Variants in PDIA6 observed in about 807,000 individuals in gnomAD.
PDIA6 encodes protein disulfide-isomerase A6.
Under a neutral mutation model 58.4 loss-of-function variants are expected in PDIA6, and 29 were observed. That is an observed-to-expected ratio of 0.50 (90% CI 0.37 to 0.68). The LOEUF (loss-of-function observed/expected upper bound fraction) is 0.68, where lower values mean the gene tolerates loss of function less well. Ranked by LOEUF, PDIA6 falls within the 30% of genes least tolerant of loss-of-function variation. The probability of loss-of-function intolerance (pLI) is 0.00; values close to 1 mark genes in which losing one functional copy is unlikely to be tolerated. For synonymous variants in PDIA6, 192 were observed against 202.6 expected (o/e 0.95, Z 0.44); for missense variants, 480 against 551.0 (o/e 0.87, Z 1.29).
At chr2:10,799,264 A>G (rs1734352) in intron 2 of PDIA6, among the ~76,000 whole-genome samples, 74,215 of 152,092 alleles carry the variant, frequency 0.49, 19,659 homozygotes, top group South Asian at 0.58. Context: ...TTGGTGATTT[A>G]ATGCATTTTT....
intron 1 of PDIA6, among the ~76,000 whole-genome samples, chr2:10,806,015 AAAGTAT>A (rs1353741174): frequency 8.7e-5 from 8 of 91,790 alleles, no homozygotes; most frequent in Non-Finnish European, 1.5e-4. Context: ...CCTAAAACTT[AAAGTAT>A]AATTAAAAAA....
chr2:10,800,315 G>A (rs1408590263), intron 2 of PDIA6, among the ~76,000 whole-genome samples: 1 of 152,152 alleles, frequency 6.6e-6, no homozygotes, highest in Admixed American at 6.5e-5. Flanking sequence ...AACAGTCACT[G>A]GAGCATTTCA....
chr2:10,795,543 C>T (rs1392920590), intron 4 of PDIA6, among the ~76,000 whole-genome samples: 1 of 152,208 alleles, frequency 6.6e-6, no homozygotes, highest in Middle Eastern at 3.2e-3. Context: ...GCCAACGACA[C>T]ATATTTGCCA....
chr2:10,824,480 G>A (rs187418489), intron 1 of PDIA6, among the ~76,000 whole-genome samples: 509 of 152,358 alleles, frequency 3.3e-3, no homozygotes, highest in Non-Finnish European at 6.3e-3. Flanking sequence ...CACCACAATA[G>A]CCACTAAGCC....
upstream of PDIA6, among the ~76,000 whole-genome samples, chr2:10,834,274 G>T (rs1052097187): frequency 6.6e-6 from 1 of 152,268 alleles, no homozygotes; most frequent in Admixed American, 6.5e-5. Flanking sequence ...GATCAAAGGC[G>T]AGCCTCTTTC....
intron 1 of PDIA6, 31 bp from the exon 2 acceptor site, chr2:10,802,671 C>G (rs1261111446): frequency 1.4e-6 from 2 of 1,379,758 alleles, no homozygotes; most frequent in African/African-American, 3.0e-5. Context: ...GCACCATTAA[C>G]AGCACTGTTC....
At chr2:10,825,173 CCTT>C (rs1040498195) in intron 1 of PDIA6, among the ~76,000 whole-genome samples, 27 of 152,314 alleles carry the variant, frequency 1.8e-4, no homozygotes, top group African/African-American at 6.3e-4. Context: ...GACTGGCTCT[CCTT>C]ACTCCTCAGC....
chr2:10,820,711 CTGTAT>C, intron 1 of PDIA6: 1 of 701,460 alleles, frequency 1.4e-6, no homozygotes, highest in Non-Finnish European at 2.6e-6. Flanking sequence ...TTTCTACCTC[CTGTAT>C]CAGCGGCACC....
At chr2:10,816,936 C>G (rs904687712), upstream of PDIA6, among the ~76,000 whole-genome samples, 4 of 152,176 alleles carry the variant, frequency 2.6e-5, no homozygotes, top group African/African-American at 9.7e-5. Context: ...TGTCCTCATT[C>G]AACTTAGTTA....
At chr2:10,828,260 TC>T (rs1451343497) in intron 1 of PDIA6, among the ~76,000 whole-genome samples, 2 of 152,222 alleles carry the variant, frequency 1.3e-5, no homozygotes, top group Non-Finnish European at 2.9e-5. Context: ...CTCCAACTAT[TC>T]ATTCCAACCT....
At chr2:10,790,018 G>A (rs1247623876) in intron 7 of PDIA6, 129 bp from the exon 8 acceptor site, 9 of 723,656 alleles carry the variant, frequency 1.2e-5, no homozygotes, top group Non-Finnish European at 2.0e-5. Flanking sequence ...TCACTCTGTT[G>A]CCCAGGCTGG....
chr2:10,828,677 C>T (rs1667625159), intron 1 of PDIA6, among the ~76,000 whole-genome samples: 1 of 152,246 alleles, frequency 6.6e-6, no homozygotes, highest in African/African-American at 2.4e-5. Flanking sequence ...CTACCAGCCC[C>T]CTTTGGATCA....
At chr2:10,822,296 T>G (rs1225432373) in intron 1 of PDIA6, among the ~76,000 whole-genome samples, 1 of 150,912 alleles carries the variant, frequency 6.6e-6, no homozygotes, top group Non-Finnish European at 1.5e-5. Context: ...AGAGTCTCGC[T>G]GTGTTGCCCA....
intron 1 of PDIA6, among the ~76,000 whole-genome samples, chr2:10,828,716 C>T (rs984444719): frequency 3.3e-5 from 5 of 152,340 alleles, no homozygotes; most frequent in South Asian, 2.1e-4. Flanking sequence ...ACAGGCGCTG[C>T]GAATAAAACA....
intron 8 of PDIA6, 57 bp from the exon 9 acceptor site, chr2:10,789,038 G>A (rs954242191): frequency 7.7e-6 from 10 of 1,292,422 alleles, no homozygotes; most frequent in Admixed American, 3.4e-5. Flanking sequence ...AACACCTAAA[G>A]GTAAGCTGGC....
rs75882318 is a variant in PDIA6 at position 10,811,123 on chromosome 2, A to C, written c.19+1555T>G. 4.2e-4 allele frequency among the ~76,000 whole-genome samples: 64 copies of C among 152,358 alleles called. No individual in the cohort carries two copies. The East Asian group carries it at 0.01, about 24-fold the overall frequency. ...TTAAAATGAGTTAATTAATAGACTC[A>C]CGGACTCTTTCAGGGTCTAGTCTGA... is the stretch of plus-strand genomic sequence containing the variant. On this transcript the variant is annotated intron_variant, in intron 1 of 12. Coordinates refer to ENST00000272227, the MANE Select transcript of PDIA6 (RefSeq NM_005742.4).
chr2:10,787,354 TG>T lies in PDIA6; in HGVS notation c.1083del (p.Ile362SerfsTer6). 6.2e-7 allele frequency: 1 copy of T among 1,614,210 alleles called. No homozygotes were observed. The highest frequency in any genetic ancestry group is 8.5e-7 in the Non-Finnish European group (1 of 1,180,038). ...GCAAATTTCATCTTGCGTGCATTGA[TG>T]GCGGCCATGGCGGGGTACCCAAACC... is the stretch of plus-strand genomic sequence containing the variant. ...IGGFGYPAMA[A>X]INARKMKFAL... is the part of the protein sequence containing the mutation. On this transcript the variant is annotated frameshift_variant, in exon 11 of 13. Coordinates refer to ENST00000272227, the MANE Select transcript of PDIA6 (RefSeq NM_005742.4). LOFTEE classifies it high-confidence loss of function.
intron 8 of PDIA6, 126 bp downstream of exon 8, chr2:10,789,623 G>T: frequency 1.2e-6 from 1 of 811,664 alleles, no homozygotes; most frequent in Non-Finnish European, 1.9e-6. Flanking sequence ...CCATTTCAAA[G>T]TATAGAAACC....
chr2:10,818,484 T>TAA (rs1667274519), intron 2 of PDIA6, among the ~76,000 whole-genome samples: 52 of 58,790 alleles, frequency 8.8e-4, no homozygotes, highest in African/African-American at 2.5e-3. Context: ...ACCATTTAAT[T>TAA]TATTTATTTA....
Sources: allele counts gnomAD v4.1 joint callset (sites outside exome capture counted in the v4.1 genomes callset), GRCh38; gene constraint gnomAD v4.1.1; transcripts MANE v1.5; gene names NCBI Gene and HGNC (gene_info 2026-07-23, HGNC 2026-07-21).